The following NOX4 variants were observed in gnomAD, a reference collection of about 807,000 sequenced individuals.
The protein encoded by NOX4 is NADPH oxidase 4.
A neutral mutation model predicts 87.6 loss-of-function variants in NOX4; 69 were observed. The observed-to-expected ratio is 0.79, with a 90% CI of 0.65 to 0.96. NOX4 has a LOEUF of 0.96. NOX4 is among the 40% of genes least tolerant of loss of function. The probability of loss-of-function intolerance (pLI) is 0.00; values close to 1 mark genes in which losing one functional copy is unlikely to be tolerated. For synonymous variants in NOX4, 275 were observed against 238.2 expected (o/e 1.15, Z -1.42); for missense variants, 680 against 681.5 (o/e 1.00, Z 0.02).
At chr11:89,565,418 C>T in the NOX4 span, among the ~76,000 whole-genome samples, 1 of 152,050 alleles carries the variant, frequency 6.6e-6, no homozygotes, top group Non-Finnish European at 1.5e-5. Flanking sequence ...ATTATAGATA[C>T]ATAATCATGT....
the NOX4 span, among the ~76,000 whole-genome samples, chr11:89,531,033 G>C: frequency 6.6e-6 from 1 of 152,232 alleles, no homozygotes; most frequent in South Asian, 2.1e-4. Context: ...ACGCTCCCTT[G>C]TTACATTATA....
intron 8 of NOX4, among the ~76,000 whole-genome samples, chr11:89,408,647 G>C (rs1942314148): frequency 6.6e-6 from 1 of 152,108 alleles, no homozygotes; most frequent in African/African-American, 2.4e-5. Flanking sequence ...TGATAGCTAA[G>C]AGTACTGTCA....
intron 17 of NOX4, among the ~76,000 whole-genome samples, chr11:89,331,314 A>C (rs968540799): frequency 4.6e-5 from 7 of 151,934 alleles, no homozygotes; most frequent in African/African-American, 1.7e-4. Flanking sequence ...AAAATGTATA[A>C]GTTTTAGCAA....
chr11:89,435,773 A>G (rs1277987235), intron 6 of NOX4, among the ~76,000 whole-genome samples: 1 of 152,118 alleles, frequency 6.6e-6, no homozygotes, highest in Non-Finnish European at 1.5e-5. Context: ...CCCTTACACA[A>G]AACTCCAATC....
chr11:89,453,360 T>C (rs1054812157), intron 2 of NOX4, among the ~76,000 whole-genome samples: 8 of 152,204 alleles, frequency 5.3e-5, no homozygotes, highest in African/African-American at 1.7e-4. Context: ...ATAATCCATG[T>C]TGTTGAAAAT....
At chr11:89,582,248 C>T in the NOX4 span, among the ~76,000 whole-genome samples, 2 of 152,026 alleles carry the variant, frequency 1.3e-5, no homozygotes, top group Non-Finnish European at 2.9e-5. Context: ...TGTAAACACA[C>T]ACTATATATT....
At chr11:89,536,138 C>CTTTTT in the NOX4 span, among the ~76,000 whole-genome samples, 8 of 88,970 alleles carry the variant, frequency 9.0e-5, no homozygotes, top group African/African-American at 1.4e-4. Flanking sequence ...TGGTCCTTTT[C>CTTTTT]TTTTTTTTTT....
At chr11:89,357,152 T>A (rs1472052192) in intron 12 of NOX4, among the ~76,000 whole-genome samples, 4 of 152,200 alleles carry the variant, frequency 2.6e-5, no homozygotes, top group Non-Finnish European at 5.9e-5. Flanking sequence ...AGAAGCAGAA[T>A]GTATATTTTA....
chr11:89,566,235 G>C, the NOX4 span, among the ~76,000 whole-genome samples: 1 of 151,844 alleles, frequency 6.6e-6, no homozygotes, highest in Admixed American at 6.5e-5. Flanking sequence ...AGTAGAGACT[G>C]GGTTTCACCA....
the NOX4 span, among the ~76,000 whole-genome samples, chr11:89,535,356 G>A: frequency 7.9e-5 from 12 of 152,290 alleles, no homozygotes; most frequent in East Asian, 1.5e-3. Context: ...TCACTCTAAC[G>A]TTTCAGTCAA....
intron 8 of NOX4, among the ~76,000 whole-genome samples, chr11:89,404,776 A>G (rs1230800780): frequency 1.3e-5 from 2 of 152,146 alleles, no homozygotes; most frequent in Non-Finnish European, 2.9e-5. Context: ...CATAACTCTG[A>G]GAAATGTAAG....
intron 13 of NOX4, among the ~76,000 whole-genome samples, chr11:89,344,315 C>T (rs562045021): frequency 4.6e-5 from 7 of 152,240 alleles, no homozygotes; most frequent in Admixed American, 2.0e-4. Context: ...AATCCCAGCA[C>T]TTAGGGAGGC....
chr11:89,521,620 G>GAA, the NOX4 span, among the ~76,000 whole-genome samples: 4 of 147,710 alleles, frequency 2.7e-5, no homozygotes, highest in African/African-American at 9.9e-5. Flanking sequence ...ATCAGCCTTG[G>GAA]AAAAAAAAAA....
At chr11:89,483,660 A>G (rs1052093853) in intron 2 of NOX4, among the ~76,000 whole-genome samples, 1 of 96,312 alleles carries the variant, frequency 1.0e-5, no homozygotes, top group Non-Finnish European at 1.9e-5. Context: ...TCAGATAGAC[A>G]GGAAGAATAA....
At chr11:89,438,883 A>C (rs1309357836) in intron 6 of NOX4, among the ~76,000 whole-genome samples, 1 of 51,618 alleles carries the variant, frequency 1.9e-5, no homozygotes, top group Admixed American at 3.8e-4. Context: ...ATAATATATA[A>C]TATATTATAT....
At chr11:89,491,104 G>T in intron 1 of NOX4, 86 bp downstream of exon 1, 1 of 1,325,492 alleles carries the variant, frequency 7.5e-7, no homozygotes, top group Non-Finnish European at 1.1e-6. Flanking sequence ...TCCACTTCCA[G>T]CTTCCCACCC....
intron 2 of NOX4, among the ~76,000 whole-genome samples, chr11:89,471,837 GTTCAAGCTA>G (rs1945958090): frequency 6.6e-6 from 1 of 152,286 alleles, no homozygotes; most frequent in South Asian, 2.1e-4. Context: ...CGCCTCCTGG[GTTCAAGCTA>G]TTCTTCTGCC....
chr11:89,382,682 A>T lies in NOX4; in HGVS notation c.1075-9190T>A, dbSNP rs527380609. On this transcript the variant is annotated intron_variant, in intron 11 of 17. Transcript: ENST00000263317. The stretch of plus-strand genomic sequence containing the variant: ...CCCTGCCAGGCTGAATCAGGCTCCA[A>T]ATCTTCCTCAGACTCCACTCCCCCA... Among the ~76,000 whole-genome samples, 5 of 151,698 alleles carry T rather than the reference A, an allele frequency of 3.3e-5. No individual in the cohort carries two copies. In the East Asian group the frequency reaches 9.8e-4, roughly 30 times the overall value.
At chr11:89,391,753 A>G (rs866562799) in intron 11 of NOX4, among the ~76,000 whole-genome samples, 24 of 150,770 alleles carry the variant, frequency 1.6e-4, no homozygotes, top group South Asian at 2.1e-4. Flanking sequence ...AAAAAAAAAA[A>G]AAAGAAAGAA....
Sources: allele counts gnomAD v4.1 joint callset (sites outside exome capture counted in the v4.1 genomes callset), GRCh38; gene constraint gnomAD v4.1.1; transcripts MANE v1.5; gene names NCBI Gene and HGNC (gene_info 2026-07-23, HGNC 2026-07-21).